Variants in ADGRL2 observed in about 807,000 individuals in gnomAD.
ADGRL2 encodes calcium-independent alpha-latrotoxin receptor 2.
In ADGRL2, 44 loss-of-function variants were observed where a neutral mutation model predicts 157.4. That is an observed-to-expected ratio of 0.28 (90% CI 0.22 to 0.36). The LOEUF (loss-of-function observed/expected upper bound fraction) is 0.36. ADGRL2 is among the 10% of genes least tolerant of loss of function. The probability of loss-of-function intolerance (pLI) is 1.00; values close to 1 mark genes in which losing one functional copy is unlikely to be tolerated. For missense variants in ADGRL2, 1,510 were observed against 1,768.9 expected (o/e 0.85, Z 2.63); for synonymous variants, 585 against 624.7 (o/e 0.94, Z 0.95).
intron 1 of ADGRL2, among the ~76,000 whole-genome samples, chr1:81,705,014 A>G (rs1206404951): frequency 1.3e-5 from 2 of 152,194 alleles, no homozygotes; most frequent in African/African-American, 4.8e-5. Flanking sequence ...ATGCACATAA[A>G]CATGAACAAA....
At chr1:81,630,175 G>A (rs1325879502) in intron 3 of ADGRL2, among the ~76,000 whole-genome samples, 3 of 151,908 alleles carry the variant, frequency 2.0e-5, no homozygotes, top group Non-Finnish European at 4.4e-5. Flanking sequence ...GTGCTGGCAG[G>A]GGACACCTGT....
intron 2 of ADGRL2, among the ~76,000 whole-genome samples, chr1:81,521,294 T>A (rs779197189): frequency 3.3e-5 from 5 of 152,170 alleles, no homozygotes; most frequent in Non-Finnish European, 7.4e-5. Flanking sequence ...TATATTATTT[T>A]CCATCCTTTA....
chr1:81,841,320 T>G (rs943007265), intron 2 of ADGRL2, among the ~76,000 whole-genome samples: 1 of 152,156 alleles, frequency 6.6e-6, no homozygotes, highest in Non-Finnish European at 1.5e-5. Flanking sequence ...TTGCCAGTTT[T>G]TACTGTACTT....
chr1:81,596,121 A>G, intron 3 of ADGRL2: 1 of 396,772 alleles, frequency 2.5e-6, no homozygotes, highest in South Asian at 2.3e-5. Flanking sequence ...TTTTTTAACA[A>G]CTGGTAATCA....
intron 2 of ADGRL2, among the ~76,000 whole-genome samples, chr1:81,866,333 C>T (rs1335739367): frequency 1.3e-5 from 2 of 152,046 alleles, no homozygotes; most frequent in Admixed American, 1.3e-4. Context: ...CCTTAACAGT[C>T]TTAGTACCTG....
chr1:81,835,713 G>A (rs2092243086), intron 1 of ADGRL2, among the ~76,000 whole-genome samples: 1 of 152,002 alleles, frequency 6.6e-6, no homozygotes, highest in African/African-American at 2.4e-5. Context: ...TCTCCCCTGT[G>A]TCTTCAGTGC....
intron 18 of ADGRL2, chr1:81,981,080 G>T: frequency 4.6e-6 from 2 of 435,082 alleles, no homozygotes. Flanking sequence ...TTTTAATTCT[G>T]TCTAATAATT....
At chr1:81,680,704 G>GA (rs1372413716) in intron 3 of ADGRL2, among the ~76,000 whole-genome samples, 3 of 151,950 alleles carry the variant, frequency 2.0e-5, no homozygotes, top group East Asian at 1.9e-4. Flanking sequence ...TTGACTTTCA[G>GA]AAAAAAAATT....
In ADGRL2 at chr1:81,747,701, TTGTGTGTGTGTG is replaced by T. The variant is rs10556401; in HGVS notation, c.-142-14086_-142-14075del. ...TGAAAAATAATTTTTCCTTTAATGT[TTGTGTGTGTGTG>T]TGTGTGTGTGTGTGTGTGTGTGTAA... On this transcript the variant is annotated intron_variant, in intron 1 of 20. Coordinates refer to the ADGRL2 transcript ENST00000359929. Among the ~76,000 whole-genome samples, 28 of 147,354 alleles carry T rather than the reference TTGTGTGTGTGTG, an allele frequency of 1.9e-4. No individual in the cohort carries two copies. In the South Asian group the frequency reaches 3.7e-3, roughly 19 times the overall value.
intron 1 of ADGRL2, among the ~76,000 whole-genome samples, chr1:81,742,353 T>G (rs1392664321): frequency 1.3e-5 from 2 of 151,990 alleles, no homozygotes; most frequent in Non-Finnish European, 2.9e-5. Flanking sequence ...TTCTTCATAT[T>G]GCTAAACTCT....
chr1:81,660,122 G>A (rs2082622172), intron 3 of ADGRL2, among the ~76,000 whole-genome samples: 1 of 152,104 alleles, frequency 6.6e-6, no homozygotes, highest in African/African-American at 2.4e-5. Flanking sequence ...CTAAGAATTA[G>A]GCTTTAAACT....
At chr1:81,783,802 A>G (rs1476843746) in intron 2 of ADGRL2, among the ~76,000 whole-genome samples, 1 of 152,216 alleles carries the variant, frequency 6.6e-6, no homozygotes, top group East Asian at 1.9e-4. Context: ...TATTTATATA[A>G]CAGCATTATA....
intron 2 of ADGRL2, among the ~76,000 whole-genome samples, chr1:81,869,974 G>C (rs2093650104): frequency 6.6e-6 from 1 of 151,858 alleles, no homozygotes; most frequent in Admixed American, 6.6e-5. Context: ...TATATATCAT[G>C]TCAAAATTTA....
At chr1:81,309,880 T>C (rs1659623084) in intron 1 of ADGRL2, among the ~76,000 whole-genome samples, 1 of 152,190 alleles carries the variant, frequency 6.6e-6, no homozygotes, top group South Asian at 2.1e-4. Flanking sequence ...TGCTCAGTAA[T>C]GATGGAAATT....
chr1:81,877,275 C>A (rs2093865456), intron 2 of ADGRL2, among the ~76,000 whole-genome samples: 1 of 152,142 alleles, frequency 6.6e-6, no homozygotes, highest in Non-Finnish European at 1.5e-5. Flanking sequence ...TGAGCATAAT[C>A]TAGAGCTAGT....
intron 2 of ADGRL2, among the ~76,000 whole-genome samples, chr1:81,893,080 G>A (rs1480061131): frequency 6.6e-6 from 1 of 152,036 alleles, no homozygotes; most frequent in Non-Finnish European, 1.5e-5. Flanking sequence ...TCAGTGCCTG[G>A]GTTCTTTCAT....
chr1:81,436,346 T>C lies in ADGRL2; in HGVS notation c.-301-8690T>C, dbSNP rs56123546. On this transcript the variant is annotated intron_variant, in intron 1 of 24. Transcript: ENST00000370721. Reference sequence around the variant, plus strand: ...ATATAGGACTCACTGACGGGTTTGATACCAGATAGGTGGCAACACTCAAAT... The same window carrying C: ...ATATAGGACTCACTGACGGGTTTGACACCAGATAGGTGGCAACACTCAAAT... Among the ~76,000 whole-genome samples the C allele has an allele frequency of 2.0e-3, 302 of 152,340 alleles. 2 individuals are homozygous for C. Among genetic ancestry groups the C allele is most frequent in the Non-Finnish European group, 3.1e-3 (213 of 68,036 alleles).
intron 1 of ADGRL2, among the ~76,000 whole-genome samples, chr1:81,410,348 C>T (rs930110975): frequency 7.2e-5 from 11 of 152,178 alleles, no homozygotes; most frequent in Non-Finnish European, 1.3e-4. Flanking sequence ...ACAAAAATGT[C>T]CTTCTTTCAA....
intron 1 of ADGRL2, among the ~76,000 whole-genome samples, chr1:81,413,697 A>AT (rs1318914809): frequency 1.3e-5 from 2 of 152,174 alleles, no homozygotes; most frequent in Non-Finnish European, 2.9e-5. Context: ...TAGTTCACTG[A>AT]TTTTTGTCAA....
Sources: gnomAD v4.1 joint callset for allele counts (sites outside exome capture counted in the v4.1 genomes callset) on GRCh38, gnomAD v4.1.1 for gene constraint, MANE v1.5 for transcripts, NCBI Gene and HGNC (gene_info 2026-07-23, HGNC 2026-07-21) for gene names.